AGBL4: variants seen among roughly 807,000 people sequenced by gnomAD.
AGBL4 encodes cytosolic carboxypeptidase 6.
Under a neutral mutation model 66.4 loss-of-function variants are expected in AGBL4, and 58 were observed. That is an observed-to-expected ratio of 0.87 (90% CI 0.71 to 1.09). AGBL4 has a LOEUF of 1.09. AGBL4 is among the 50% of genes least tolerant of loss of function. The pLI, the probability that AGBL4 is intolerant of heterozygous loss-of-function variation, is 0.00. For synonymous variants in AGBL4, 234 were observed against 222.9 expected, an observed-to-expected ratio of 1.05 and a Z score of -0.44; for missense variants, 579 against 631.0, an observed-to-expected ratio of 0.92 and a Z score of 0.88.
intron 5 of AGBL4, among the ~76,000 whole-genome samples, chr1:48,907,940 G>A (rs891824030): frequency 6.6e-6 from 1 of 152,146 alleles, no homozygotes; most frequent in Non-Finnish European, 1.5e-5. Context: ...TTGAGCAGAA[G>A]TATGGAGTGT....
chr1:49,074,507 C>T (rs1255192805), intron 4 of AGBL4, among the ~76,000 whole-genome samples: 1 of 152,184 alleles, frequency 6.6e-6, no homozygotes, highest in African/African-American at 2.4e-5. Context: ...TGGAGCTGTT[C>T]CTATTCGACC....
intron 2 of AGBL4, among the ~76,000 whole-genome samples, chr1:49,786,142 C>A (rs1306226006): frequency 6.6e-6 from 1 of 150,698 alleles, no homozygotes; most frequent in Non-Finnish European, 1.5e-5. Flanking sequence ...AAAATAAATA[C>A]CCCAAATTCC....
At position 48,910,927 on chromosome 1, in the gene AGBL4, G is replaced by A. The variant is rs544722767; in HGVS notation, c.595-43697C>T. ...GTTGAGTTCCCTTATTTTATTTCCA[G>A]GAGGCAGGGCTATTAAAGTGAAGGC... On this transcript the variant is annotated intron_variant, in intron 5 of 13. Coordinates refer to ENST00000371839, the MANE Select transcript of AGBL4 (RefSeq NM_032785.4). Among the ~76,000 whole-genome samples the A allele has an allele frequency of 9.9e-5, 15 of 152,248 alleles. No individual in the cohort carries two copies. In the South Asian group the frequency reaches 3.1e-3, roughly 32 times the overall value.
intron 6 of AGBL4, among the ~76,000 whole-genome samples, chr1:48,678,720 C>A (rs1646408327): frequency 6.6e-6 from 1 of 152,210 alleles, no homozygotes; most frequent in Non-Finnish European, 1.5e-5. Context: ...TGGTAAATGT[C>A]TATTTGTCTT....
rs184208026 is a variant in AGBL4, at chr1:48,761,401, T to C, written c.635-98160A>G. ...TTTAACCTCTCCATCTTCTTCTACA[T>C]GATTAAGAGAAAGCTTGGGGATTTT... On this transcript the variant is annotated intron_variant, in intron 6 of 13. Coordinates refer to ENST00000371839, the MANE Select transcript of AGBL4 (RefSeq NM_032785.4). 615 of 1,551,690 alleles carry C rather than the reference T, an allele frequency of 4.0e-4. 5 individuals are homozygous for C. In the African/African-American group the frequency reaches 7.4e-3, roughly 19 times the overall value.
At chr1:49,435,269 A>G (rs1331186745) in intron 3 of AGBL4, among the ~76,000 whole-genome samples, 3 of 152,218 alleles carry the variant, frequency 2.0e-5, no homozygotes, top group Non-Finnish European at 4.4e-5. Flanking sequence ...AAGAATATTT[A>G]TTGAATAAAT....
chr1:49,946,471 A>G (rs1655217442), intron 1 of AGBL4, among the ~76,000 whole-genome samples: 1 of 152,074 alleles, frequency 6.6e-6, no homozygotes, highest in South Asian at 2.1e-4. Context: ...TGAGTCAACA[A>G]TGAAATCAAG....
At chr1:48,928,651 G>A (rs1329609096) in intron 5 of AGBL4, among the ~76,000 whole-genome samples, 1 of 152,088 alleles carries the variant, frequency 6.6e-6, no homozygotes, top group African/African-American at 2.4e-5. Context: ...TTACTAGCTA[G>A]ATGCTCTTGG....
chr1:49,377,460 C>T (rs1644495177), intron 3 of AGBL4, among the ~76,000 whole-genome samples: 1 of 152,110 alleles, frequency 6.6e-6, no homozygotes, highest in South Asian at 2.1e-4. Context: ...AAATCTATGA[C>T]TGTCTGGCTT....
intron 5 of AGBL4, among the ~76,000 whole-genome samples, chr1:49,003,092 A>G (rs1661513143): frequency 1.3e-5 from 2 of 152,186 alleles, no homozygotes; most frequent in Non-Finnish European, 2.9e-5. Context: ...GAATGACTTG[A>G]TGAAACATTA....
intron 6 of AGBL4, among the ~76,000 whole-genome samples, chr1:48,799,233 G>C (rs1429706563): frequency 6.6e-6 from 1 of 151,662 alleles, no homozygotes; most frequent in Non-Finnish European, 1.5e-5. Context: ...ATATTCCTAA[G>C]TATTTTATTT....
intron 3 of AGBL4, among the ~76,000 whole-genome samples, chr1:49,329,044 C>T (rs1184870599): frequency 6.6e-6 from 1 of 152,280 alleles, no homozygotes; most frequent in South Asian, 2.1e-4. Flanking sequence ...CAGTGGCTCA[C>T]GCCTGTAATC....
intron 3 of AGBL4, among the ~76,000 whole-genome samples, chr1:49,352,133 C>G (rs904296439): frequency 5.9e-5 from 9 of 152,140 alleles, no homozygotes; most frequent in African/African-American, 2.2e-4. Context: ...CACACCCATT[C>G]CAGGAGGTCT....
At chr1:49,093,153 T>C (rs190915385) in intron 4 of AGBL4, among the ~76,000 whole-genome samples, 1 of 152,192 alleles carries the variant, frequency 6.6e-6, no homozygotes. Context: ...GTAGAGAGCA[T>C]ACCATGTTCC....
At chr1:49,227,209 G>C (rs559316846) in intron 4 of AGBL4, among the ~76,000 whole-genome samples, 1 of 152,096 alleles carries the variant, frequency 6.6e-6, no homozygotes, top group South Asian at 2.1e-4. Context: ...CCCTCTATTA[G>C]ACTTTCAGTT....
At chr1:48,628,420 C>A (rs1360551695) in intron 9 of AGBL4, among the ~76,000 whole-genome samples, 1 of 152,050 alleles carries the variant, frequency 6.6e-6, no homozygotes, top group Non-Finnish European at 1.5e-5. Context: ...TCCTAACAAG[C>A]GGCACTTTGT....
intron 1 of AGBL4, among the ~76,000 whole-genome samples, chr1:49,947,932 C>A (rs1655369092): frequency 2.6e-5 from 1 of 38,736 alleles, no homozygotes; most frequent in Non-Finnish European, 6.2e-5. Context: ...AAGAACTCAA[C>A]CCCTTTTGCA....
chr1:49,483,615 G>T (rs1647002013), intron 3 of AGBL4, among the ~76,000 whole-genome samples: 2 of 151,914 alleles, frequency 1.3e-5, no homozygotes, highest in Non-Finnish European at 2.9e-5. Context: ...GTGGATTAAA[G>T]ACTTAAATCT....
At chr1:48,599,436 A>G (rs770784572) in intron 9 of AGBL4, among the ~76,000 whole-genome samples, 8 of 152,316 alleles carry the variant, frequency 5.3e-5, no homozygotes, top group Admixed American at 2.6e-4. Flanking sequence ...TAGGCCTTAC[A>G]ACAGCTGTGA....
Sources: gnomAD v4.1 joint callset for allele counts (sites outside exome capture counted in the v4.1 genomes callset) on GRCh38, gnomAD v4.1.1 for gene constraint, MANE v1.5 for transcripts, NCBI Gene and HGNC (gene_info 2026-07-23, HGNC 2026-07-21) for gene names.